Variants in PKIB observed in about 807,000 individuals in gnomAD.
PKIB encodes PKI-beta.
Under a neutral mutation model 4.5 loss-of-function variants are expected in PKIB, and 2 were observed. The observed-to-expected ratio is 0.44, with a 90% confidence interval of 0.18 to 1.39. The LOEUF (loss-of-function observed/expected upper bound fraction) is 1.39. Ranked by LOEUF, PKIB falls within the 40% of genes most tolerant of loss-of-function variation. The pLI is 0.27. For synonymous variants in PKIB, 38 were observed against 36.0 expected (o/e 1.06, Z -0.20); for missense variants, 94 against 92.6 (o/e 1.02, Z -0.06).
At chr6:122,709,283 T>C (rs906062167) in intron 3 of PKIB, among the ~76,000 whole-genome samples, 2 of 152,130 alleles carry the variant, frequency 1.3e-5, no homozygotes, top group Admixed American at 6.6e-5. Flanking sequence ...CATTGCTCCA[T>C]ATAGACCGTG....
At chr6:122,527,149 A>C (rs1777114474) in intron 2 of PKIB, among the ~76,000 whole-genome samples, 1 of 152,114 alleles carries the variant, frequency 6.6e-6, no homozygotes, top group African/African-American at 2.4e-5. Context: ...AAAATTGAAG[A>C]GAGTGAGGAT....
rs563191299 is a variant in PKIB at position 122,701,521 on chromosome 6, C to T, written c.-8-16266C>T. On this transcript the variant is annotated intron_variant, in intron 3 of 4. Coordinates refer to ENST00000368452, the MANE Select transcript of PKIB (RefSeq NM_181795.3). ...CCAGGGTATAGTTAACAACCATTTTCTTCTTGGGGACAAGAGCATTGCAGA... is the reference window on the plus strand; with the variant it reads ...CCAGGGTATAGTTAACAACCATTTTTTTCTTGGGGACAAGAGCATTGCAGA... 2.3e-5 allele frequency: 37 copies of T among 1,591,920 alleles called. No individual in the cohort carries two copies. In the African/African-American group the frequency reaches 3.1e-4, roughly 13 times the overall value.
At chr6:122,631,764 A>G (rs2116057) in intron 1 of PKIB, among the ~76,000 whole-genome samples, 54,382 of 152,048 alleles carry the variant, frequency 0.36, 10,539 homozygotes, top group South Asian at 0.64. Context: ...GCTTCTGCCT[A>G]TATGTTGCAA....
rs114719828 is a variant in PKIB at position 122,508,424 on chromosome 6, A to G, written c.-248+30485A>G. On this transcript the variant is annotated intron_variant, in intron 2 of 6. Transcript: ENST00000392491. ...AATGTTGTACAATGTCCTTGGCCTG[A>G]TTTTACATAATTTGATATTTGTTTT... Among the ~76,000 whole-genome samples, 398 of 152,232 alleles carry G rather than the reference A, an allele frequency of 2.6e-3. 4 individuals are homozygous for G. Among genetic ancestry groups the G allele is most frequent in the African/African-American group, 9.1e-3 (376 of 41,544 alleles).
Position 122,725,303 on chromosome 6 carries a change from C to T in PKIB, c.*108C>T. Reference sequence around the variant, plus strand: ...TGGTAACTGTGGTAACATTGCAGCCCTAAGCAGCATGTGTATATTAGATAA... The same window carrying T: ...TGGTAACTGTGGTAACATTGCAGCCTTAAGCAGCATGTGTATATTAGATAA... On this transcript the variant is annotated 3_prime_UTR_variant, in exon 5 of 5. Transcript: ENST00000368452. 1.2e-6 allele frequency: 1 copy of T among 842,204 alleles called. No homozygotes were observed. The highest frequency in any genetic ancestry group is 2.6e-5 in the East Asian group (1 of 38,256). The allele number at this position is 842,204 out of a possible 1,614,324, so 52.2% of individuals were successfully genotyped here.
In PKIB at chr6:122,533,146, TTTTATTTATTTA is replaced by T. The variant is rs57942146; in HGVS notation, c.-247-52745_-247-52734del. ...ATAGTGTCCTTTGATGCACAAAACT[TTTTATTTATTTA>T]TTTATTTATTTATTTATTTATTTAT... is the stretch of plus-strand genomic sequence containing the variant. On this transcript the variant is annotated intron_variant, in intron 2 of 6. Transcript: ENST00000392491. Among the ~76,000 whole-genome samples the T allele has an allele frequency of 2.0e-3, 207 of 105,488 alleles. 1 individual carries two copies. The highest frequency in any genetic ancestry group is 2.8e-3 in the Non-Finnish European group (146 of 51,870). The allele number at this position is 105,488 out of a possible 152,430, so 69.2% of individuals were successfully genotyped here.
chr6:122,695,920 C>T (rs1479801907), intron 3 of PKIB, among the ~76,000 whole-genome samples: 1 of 152,030 alleles, frequency 6.6e-6, no homozygotes, highest in East Asian at 1.9e-4. Flanking sequence ...GCATATAAAG[C>T]CATGTACAAT....
intron 2 of PKIB, among the ~76,000 whole-genome samples, chr6:122,513,423 C>A (rs1189711768): frequency 6.6e-6 from 1 of 152,152 alleles, no homozygotes; most frequent in African/African-American, 2.4e-5. Context: ...GAAAGAACGA[C>A]TAAATTGCTG....
intron 2 of PKIB, among the ~76,000 whole-genome samples, chr6:122,642,178 A>T (rs1776146106): frequency 6.6e-6 from 1 of 152,244 alleles, no homozygotes; most frequent in African/African-American, 2.4e-5. Flanking sequence ...GCTAGAGCAG[A>T]GCTCTTTGAA....
intron 2 of PKIB, among the ~76,000 whole-genome samples, chr6:122,578,636 C>T (rs932953606): frequency 5.9e-5 from 9 of 152,154 alleles, no homozygotes; most frequent in African/African-American, 2.2e-4. Flanking sequence ...CTCTGTTGCT[C>T]CTTGCCTGGG....
At chr6:122,541,473 T>C (rs1777598713) in intron 2 of PKIB, among the ~76,000 whole-genome samples, 1 of 151,968 alleles carries the variant, frequency 6.6e-6, no homozygotes. Flanking sequence ...AAATTCTGGG[T>C]TGAAAATTCT....
chr6:122,637,002 T>A (rs893285277), intron 2 of PKIB, among the ~76,000 whole-genome samples: 2 of 152,208 alleles, frequency 1.3e-5, no homozygotes, highest in African/African-American at 4.8e-5. Context: ...AATTAGTTAA[T>A]GTTAGGAAAA....
intron 2 of PKIB, among the ~76,000 whole-genome samples, chr6:122,503,172 C>G (rs1407840170): frequency 6.6e-6 from 1 of 152,202 alleles, no homozygotes; most frequent in Non-Finnish European, 1.5e-5. Context: ...AAAGACCCCA[C>G]TTCCAAATGC....
chr6:122,629,292 C>T (rs1775591002), intron 1 of PKIB, among the ~76,000 whole-genome samples: 1 of 152,190 alleles, frequency 6.6e-6, no homozygotes, highest in African/African-American at 2.4e-5. Context: ...AAAAGTACTA[C>T]AGGCGCCAAC....
chr6:122,605,768 C>T (rs1472291031), upstream of PKIB, among the ~76,000 whole-genome samples: 7 of 152,110 alleles, frequency 4.6e-5, no homozygotes, highest in Non-Finnish European at 1.0e-4. Context: ...TTTTTGTCCC[C>T]AAGGCAGATA....
chr6:122,619,224 G>A (rs946819839), intron 1 of PKIB, among the ~76,000 whole-genome samples: 1 of 152,140 alleles, frequency 6.6e-6, no homozygotes, highest in Non-Finnish European at 1.5e-5. Context: ...TTTTAAGGAT[G>A]TCAAAGTTAT....
At chr6:122,471,936 T>A in exon 1 of PKIB, 2 of 1,220,194 alleles carry the variant, frequency 1.6e-6, no homozygotes, top group Non-Finnish European at 2.2e-6. Flanking sequence ...TGCGCGTCAC[T>A]AGACGACACG....
chr6:122,724,709 G>A (rs9401579), intron 4 of PKIB, among the ~76,000 whole-genome samples: 63,813 of 151,944 alleles, frequency 0.42, 14,897 homozygotes, highest in South Asian at 0.64. Flanking sequence ...AAAGAGCAAA[G>A]GGAGTAGAAA....
intron 2 of PKIB, among the ~76,000 whole-genome samples, chr6:122,662,380 A>G: frequency 8.0e-6 from 1 of 125,348 alleles, no homozygotes; most frequent in African/African-American, 3.1e-5. Context: ...CAATGGCACA[A>G]TCTGGGCTCA....
Sources: gnomAD v4.1 joint callset for allele counts (sites outside exome capture counted in the v4.1 genomes callset) on GRCh38, gnomAD v4.1.1 for gene constraint, MANE v1.5 for transcripts, NCBI Gene and HGNC (gene_info 2026-07-23, HGNC 2026-07-21) for gene names.